TANC2: variants seen among roughly 807,000 people sequenced by gnomAD.
TANC2 encodes protein TANC2.
A neutral mutation model predicts 210.5 loss-of-function variants in TANC2; 26 were observed. That is an observed-to-expected ratio of 0.12 (90% confidence interval 0.09 to 0.17). The LOEUF is 0.17. Ranked by LOEUF, TANC2 falls within the 10% of genes least tolerant of loss-of-function variation. The probability of loss-of-function intolerance (pLI) is 1.00; values close to 1 mark genes in which losing one functional copy is unlikely to be tolerated. For missense variants in TANC2, 2,129 were observed against 2,608.9 expected, an observed-to-expected ratio of 0.82 and a Z score of 4.01; for synonymous variants, 931 against 967.1, an observed-to-expected ratio of 0.96 and a Z score of 0.69.
chr17:63,048,433 G>C (rs758005837), intron 2 of TANC2, among the ~76,000 whole-genome samples: 1 of 152,092 alleles, frequency 6.6e-6, no homozygotes, highest in Non-Finnish European at 1.5e-5. Context: ...GCTAAGTAGG[G>C]TAGTTATACA....
chr17:63,340,031 A>G (rs1359442715), intron 11 of TANC2, 70 bp from the exon 12 acceptor site: 9 of 1,138,268 alleles, frequency 7.9e-6, no homozygotes, highest in Non-Finnish European at 7.8e-6. Context: ...TAATCACTCA[A>G]TAGCTGATAA....
At chr17:63,410,619 G>T (rs772077725) in intron 21 of TANC2, among the ~76,000 whole-genome samples, 5 of 151,976 alleles carry the variant, frequency 3.3e-5, no homozygotes, top group Admixed American at 6.6e-5. Context: ...CTCTGGTGCA[G>T]TGAGGGCCGA....
chr17:63,139,338 A>G (rs1567756310), intron 4 of TANC2, among the ~76,000 whole-genome samples: 1 of 152,196 alleles, frequency 6.6e-6, no homozygotes, highest in Non-Finnish European at 1.5e-5. Flanking sequence ...CTATTGAAAT[A>G]GAGTTTGGCC....
chr17:63,304,532 A>G (rs1268230679), intron 9 of TANC2, among the ~76,000 whole-genome samples: 1 of 152,014 alleles, frequency 6.6e-6, no homozygotes, highest in Non-Finnish European at 1.5e-5. Context: ...GTGTCTGACA[A>G]CCCCTGTTGG....
intron 1 of TANC2, chr17:63,005,269 T>A (rs1187546610): frequency 6.6e-6 from 1 of 151,852 alleles, no homozygotes; most frequent in Non-Finnish European, 1.5e-5. Context: ...GGTCTTTTTC[T>A]GGACTGTCTG....
intron 5 of TANC2, among the ~76,000 whole-genome samples, chr17:63,180,093 A>C (rs1194318628): frequency 2.0e-5 from 3 of 151,998 alleles, no homozygotes; most frequent in African/African-American, 7.3e-5. Flanking sequence ...TGATCGTGTC[A>C]CTGAACTCCA....
chr17:63,205,344 CAAAAAAAAAAAAAAA>C (rs1158768609), intron 7 of TANC2, among the ~76,000 whole-genome samples: 1 of 8,064 alleles, frequency 1.2e-4, no homozygotes, highest in Non-Finnish European at 2.4e-4. Context: ...ACCAAGGAGG[CAAAAAAAAAAAAAAA>C]AAAAAAAAAA....
At chr17:63,263,019 C>T (rs560055101) in intron 8 of TANC2, among the ~76,000 whole-genome samples, 1 of 152,178 alleles carries the variant, frequency 6.6e-6, no homozygotes, top group Non-Finnish European at 1.5e-5. Flanking sequence ...CTTTCAAATA[C>T]TTATTTCTTT....
intron 1 of TANC2, among the ~76,000 whole-genome samples, chr17:62,968,321 C>T (rs867095613): frequency 6.6e-6 from 1 of 152,200 alleles, no homozygotes; most frequent in African/African-American, 2.4e-5. Flanking sequence ...AATTAAATTA[C>T]ATGTGTGAAT....
At chr17:62,977,595 G>A (rs2032078528) in intron 1 of TANC2, among the ~76,000 whole-genome samples, 1 of 151,508 alleles carries the variant, frequency 6.6e-6, no homozygotes, top group South Asian at 2.1e-4. Context: ...CTTATAATGG[G>A]CAGCTGGGGT....
intron 7 of TANC2, among the ~76,000 whole-genome samples, chr17:63,230,096 C>T (rs1209836073): frequency 6.6e-6 from 1 of 151,952 alleles, no homozygotes; most frequent in Non-Finnish European, 1.5e-5. Flanking sequence ...GTACCTGGCC[C>T]AGTTGTTTGT....
intron 2 of TANC2, among the ~76,000 whole-genome samples, chr17:63,055,715 T>C (rs1213601652): frequency 6.6e-6 from 1 of 151,106 alleles, no homozygotes; most frequent in Non-Finnish European, 1.5e-5. Context: ...GCAAATATTA[T>C]GTGAAGGAGG....
At chr17:63,149,827 A>G (rs2039587238) in intron 4 of TANC2, 1 of 152,152 alleles carries the variant, frequency 6.6e-6, no homozygotes, top group Admixed American at 6.5e-5. Context: ...GAGTTCTGCT[A>G]TTCCAAAGCT....
chr17:63,354,301 G>T (rs2046715681), intron 13 of TANC2, among the ~76,000 whole-genome samples: 1 of 152,164 alleles, frequency 6.6e-6, no homozygotes, highest in South Asian at 2.1e-4. Flanking sequence ...GCATTTAAAT[G>T]TAGTCATTTT....
intron 6 of TANC2, among the ~76,000 whole-genome samples, chr17:63,199,132 G>A (rs547377451): frequency 2.9e-4 from 44 of 152,164 alleles, no homozygotes; most frequent in Non-Finnish European, 4.6e-4. Context: ...AGGATGAGTC[G>A]AAGAGCCTTA....
intron 21 of TANC2, among the ~76,000 whole-genome samples, chr17:63,410,115 C>G (rs1287854765): frequency 6.6e-6 from 1 of 152,174 alleles, no homozygotes; most frequent in African/African-American, 2.4e-5. Context: ...AATCAAGCTA[C>G]TTAATGTGTG....
chr17:63,369,694 T>C (rs1215410959), intron 14 of TANC2, among the ~76,000 whole-genome samples: 1 of 151,550 alleles, frequency 6.6e-6, no homozygotes, highest in Non-Finnish European at 1.5e-5. Context: ...GCTGGGATTA[T>C]AGGCATGTAC....
At chr17:63,157,227 G>A (rs1265262221) in intron 5 of TANC2, among the ~76,000 whole-genome samples, 1 of 152,146 alleles carries the variant, frequency 6.6e-6, no homozygotes, top group Non-Finnish European at 1.5e-5. Flanking sequence ...AGGCCAGAAA[G>A]CCCTTGAGGT....
intron 5 of TANC2, among the ~76,000 whole-genome samples, chr17:63,180,794 C>G (rs765881089): frequency 6.6e-6 from 1 of 151,902 alleles, no homozygotes; most frequent in Non-Finnish European, 1.5e-5. Flanking sequence ...GAGGCTGAGG[C>G]GGGTGAATCA....
Sources: gnomAD v4.1 joint callset for allele counts (sites outside exome capture counted in the v4.1 genomes callset) on GRCh38, gnomAD v4.1.1 for gene constraint, MANE v1.5 for transcripts, NCBI Gene and HGNC (gene_info 2026-07-23, HGNC 2026-07-21) for gene names.